Variants in EVL observed in about 807,000 individuals in gnomAD.
EVL encodes the protein Enah/Vasp-like, also known as ena/VASP-like protein.
A neutral mutation model predicts 59.6 loss-of-function variants in EVL; 21 were observed. That is an observed-to-expected ratio of 0.35 (90% CI 0.25 to 0.51). The LOEUF is 0.51. Among genes scored for constraint, EVL ranks in the 20% least tolerant of loss-of-function variants. The pLI, the probability that EVL is intolerant of heterozygous loss-of-function variation, is 0.97. For synonymous variants in EVL, 198 were observed against 203.5 expected (o/e 0.97, Z 0.23); for missense variants, 462 against 546.6 (o/e 0.85, Z 1.54).
At chr14:100,059,139 T>A (rs948015648) in intron 1 of EVL, among the ~76,000 whole-genome samples, 5 of 127,942 alleles carry the variant, frequency 3.9e-5, no homozygotes, top group Admixed American at 2.2e-4. Context: ...CAAAAGCAAC[T>A]ATGAAACTGT....
At chr14:100,019,584 CACCATCTGACT>C in intron 1 of EVL, 1 of 1,280,988 alleles carries the variant, frequency 7.8e-7, no homozygotes, top group East Asian at 2.7e-5. Context: ...CTGCACTTTG[CACCATCTGACT>C]AACTAAATGG....
chr14:100,031,729 A>G (rs1046406303), intron 1 of EVL, among the ~76,000 whole-genome samples: 1 of 152,218 alleles, frequency 6.6e-6, no homozygotes, highest in Non-Finnish European at 1.5e-5. Context: ...TCCAGATGCC[A>G]GGGTTGACTC....
At chr14:99,985,281 C>T (rs189988923) in intron 1 of EVL, among the ~76,000 whole-genome samples, 7 of 151,844 alleles carry the variant, frequency 4.6e-5, no homozygotes, top group South Asian at 2.1e-4. Context: ...GAGGTATGAA[C>T]GACATAATTT....
chr14:99,978,015 TGAACTC>T (rs2140168147), intron 1 of EVL: 1 of 148,450 alleles, frequency 6.7e-6, no homozygotes, highest in South Asian at 2.2e-4. Flanking sequence ...GAGAATCACT[TGAACTC>T]GGAAGGCAGA....
chr14:100,102,659 CCA>C (rs1886295271), intron 3 of EVL, among the ~76,000 whole-genome samples: 1 of 152,146 alleles, frequency 6.6e-6, no homozygotes, highest in Admixed American at 6.6e-5. Context: ...TCCAGAAGTG[CCA>C]GAGGGAGGGT....
chr14:100,079,873 C>T (rs1297928348), intron 1 of EVL, among the ~76,000 whole-genome samples: 5 of 152,104 alleles, frequency 3.3e-5, no homozygotes, highest in Admixed American at 6.5e-5. Context: ...GCTGTCATCA[C>T]GGAGGGCCGT....
chr14:100,066,122 A>G (rs183336634), intron 1 of EVL, among the ~76,000 whole-genome samples: 1 of 152,302 alleles, frequency 6.6e-6, no homozygotes, highest in African/African-American at 2.4e-5. Context: ...CCTGCCCTAC[A>G]ACTCTGAAAG....
intron 4 of EVL, among the ~76,000 whole-genome samples, chr14:100,125,003 C>A (rs185481797): frequency 6.6e-6 from 1 of 151,636 alleles, no homozygotes; most frequent in South Asian, 2.1e-4. Flanking sequence ...CACACACATG[C>A]GCACACACAC....
At chr14:100,033,052 G>A (rs994007449) in intron 1 of EVL, among the ~76,000 whole-genome samples, 9 of 152,100 alleles carry the variant, frequency 5.9e-5, no homozygotes, top group African/African-American at 2.2e-4. Flanking sequence ...AAGCATGAAG[G>A]CTTTTGGGGA....
At chr14:100,048,463 A>C (rs1292425820) in intron 1 of EVL, among the ~76,000 whole-genome samples, 1 of 152,234 alleles carries the variant, frequency 6.6e-6, no homozygotes, top group African/African-American at 2.4e-5. Context: ...TAGAGTGACT[A>C]AGATGAAATA....
intron 4 of EVL, among the ~76,000 whole-genome samples, chr14:100,124,248 C>T (rs1887884602): frequency 6.6e-6 from 1 of 152,218 alleles, no homozygotes; most frequent in South Asian, 2.1e-4. Flanking sequence ...CTTCCTCACT[C>T]AGCTTTGTCA....
chr14:100,042,469 T>C (rs1367555674), intron 1 of EVL, among the ~76,000 whole-genome samples: 2 of 152,182 alleles, frequency 1.3e-5, no homozygotes, highest in Non-Finnish European at 2.9e-5. Flanking sequence ...CTCTCTAAAT[T>C]GCTCCTCATT....
intron 1 of EVL, among the ~76,000 whole-genome samples, chr14:99,992,050 T>TATAC (rs1394959172): frequency 6.6e-6 from 1 of 152,034 alleles, no homozygotes; most frequent in African/African-American, 2.4e-5. Flanking sequence ...AGAAAATGGC[T>TATAC]ATACCATTTC....
At chr14:100,086,187 A>G (rs2097687011) in intron 2 of EVL, among the ~76,000 whole-genome samples, 1 of 152,178 alleles carries the variant, frequency 6.6e-6, no homozygotes, top group Non-Finnish European at 1.5e-5. Context: ...TCCCTTGTTG[A>G]TGAGCCTTAG....
In EVL at chr14:100,143,615, G is replaced by A. The variant is rs990627521; in HGVS notation, c.1220-86G>A. On this transcript the variant is annotated intron_variant, in intron 13 of 13. Transcript: ENST00000392920. Reference sequence around the variant, plus strand: ...TGGAACAGGGACACATACCAGGCAGGTCCACGCCAGGGGTGCGGGGCCCTG... The same window carrying A: ...TGGAACAGGGACACATACCAGGCAGATCCACGCCAGGGGTGCGGGGCCCTG... 4.5e-6 allele frequency: 7 copies of A among 1,540,536 alleles called. No individual in the cohort carries two copies. The East Asian group carries it at 1.1e-4, about 25-fold the overall frequency.
intron 13 of EVL, among the ~76,000 whole-genome samples, chr14:100,143,306 G>A (rs1889307720): frequency 6.6e-6 from 1 of 152,012 alleles, no homozygotes; most frequent in Non-Finnish European, 1.5e-5. Flanking sequence ...TATGTTGGGG[G>A]AAGGGCTCCC....
intron 3 of EVL, among the ~76,000 whole-genome samples, chr14:100,118,604 C>T (rs1887499582): frequency 6.6e-6 from 1 of 152,174 alleles, no homozygotes; most frequent in Non-Finnish European, 1.5e-5. Context: ...AGTGCTCACT[C>T]TCCCCAGTGA....
At chr14:100,102,908 C>T (rs1369767676) in intron 3 of EVL, among the ~76,000 whole-genome samples, 3 of 151,990 alleles carry the variant, frequency 2.0e-5, no homozygotes, top group Non-Finnish European at 2.9e-5. Flanking sequence ...CCATCCTGGC[C>T]AACATGGTGA....
intron 1 of EVL, among the ~76,000 whole-genome samples, chr14:100,078,858 G>C (rs2062226415): frequency 1.3e-5 from 2 of 152,202 alleles, no homozygotes; most frequent in African/African-American, 4.8e-5. Context: ...CTACTGGGAA[G>C]AAAAAATTGG....
Sources: allele counts gnomAD v4.1 joint callset (sites outside exome capture counted in the v4.1 genomes callset), GRCh38; gene constraint gnomAD v4.1.1; transcripts MANE v1.5; gene names NCBI Gene and HGNC (gene_info 2026-07-23, HGNC 2026-07-21).